Variants in GEMIN6 observed in about 807,000 individuals in gnomAD.
GEMIN6 encodes gem nuclear organelle associated protein 6, also known as gem-associated protein 6.
GEMIN6 carries 13 observed loss-of-function variants against 14.1 expected under a neutral mutation model. The observed-to-expected ratio is 0.92, with a 90% confidence interval of 0.60 to 1.46. The LOEUF is 1.46. GEMIN6 is among the 40% of genes most tolerant of loss of function. The probability of loss-of-function intolerance (pLI) is 0.00; values close to 1 mark genes in which losing one functional copy is unlikely to be tolerated. For missense variants in GEMIN6, 271 were observed against 202.4 expected, an observed-to-expected ratio of 1.34 and a Z score of -2.06; for synonymous variants, 87 against 70.0, an observed-to-expected ratio of 1.24 and a Z score of -1.21.
chr2:38,779,355 CGAG>C, intron 2 of GEMIN6: 1 of 422,138 alleles, frequency 2.4e-6, no homozygotes, highest in South Asian at 2.0e-5. Context: ...CTTAGCCTCC[CGAG>C]TAGCTGGGAC....
In GEMIN6 at chr2:38,781,840, T is replaced by C. The variant is rs1669098404; in HGVS notation, c.452T>C (p.Ile151Thr). 6.2e-7 allele frequency: 1 copy of C among 1,613,942 alleles called. No homozygotes were observed. The highest frequency in any genetic ancestry group is 8.5e-7 in the Non-Finnish European group (1 of 1,179,914). ...AATTGCAGCAGCTCTAATGAGATTA[T>C]TCTGTCGCGTGTTCAGGATCTTATT... ...PENCSSSNEI[I>T]LSRVQDLIEG... Residue 151 changes from isoleucine (I) to threonine (T), a missense_variant, in exon 3 of 3, where the codon ATT (isoleucine) becomes ACT (threonine). Transcript: ENST00000281950.
intron 2 of GEMIN6, among the ~76,000 whole-genome samples, chr2:38,779,664 ATTTTTTTT>A (rs1166903482): frequency 1.1e-3 from 22 of 20,764 alleles, no homozygotes; most frequent in African/African-American, 3.6e-3. Flanking sequence ...ATATATATAT[ATTTTTTTT>A]TTTTTTTTTT....
chr2:38,780,668 G>T (rs376392019), intron 2 of GEMIN6, among the ~76,000 whole-genome samples: 189 of 151,526 alleles, frequency 1.2e-3, no homozygotes, highest in African/African-American at 4.3e-3. Context: ...TTGCTCTGTT[G>T]CCCAGGCTGG....
intron 2 of GEMIN6, among the ~76,000 whole-genome samples, chr2:38,779,872 G>A (rs867283581): frequency 8.1e-5 from 12 of 148,082 alleles, no homozygotes; most frequent in Non-Finnish European, 1.8e-4. Context: ...TAGTAGAGAC[G>A]GGGTTTCGCT....
chr2:38,779,140 C>T (rs199945237), intron 2 of GEMIN6, 22 bp downstream of exon 2: 3 of 1,600,346 alleles, frequency 1.9e-6, no homozygotes, highest in Non-Finnish European at 1.7e-6. Context: ...TCCTACTTGC[C>T]TGAAATCTTG....
chr2:38,779,537 G>A (rs1669027362), intron 2 of GEMIN6: 1 of 178,790 alleles, frequency 5.6e-6, no homozygotes, highest in Non-Finnish European at 1.2e-5. Flanking sequence ...GCCTACATAT[G>A]AGAACTTAAC....
chr2:38,779,827 A>G (rs955876972), intron 2 of GEMIN6, among the ~76,000 whole-genome samples: 9 of 148,078 alleles, frequency 6.1e-5, no homozygotes, highest in African/African-American at 2.2e-4. Flanking sequence ...GGTTACACAC[A>G]TGTGCCAACA....
intron 2 of GEMIN6, among the ~76,000 whole-genome samples, chr2:38,781,076 C>T (rs181465446): frequency 7.0e-4 from 103 of 148,088 alleles, no homozygotes; most frequent in African/African-American, 2.4e-3. Flanking sequence ...TCAAGCAATT[C>T]TCTGCCTCTG....
At chr2:38,779,662 ATATTTTT>A (rs1175217544) in intron 2 of GEMIN6, among the ~76,000 whole-genome samples, 3 of 26,752 alleles carry the variant, frequency 1.1e-4, no homozygotes, top group African/African-American at 3.9e-4. Flanking sequence ...ATATATATAT[ATATTTTT>A]TTTTTTTTTT....
At chr2:38,779,772 C>T (rs1372355730) in intron 2 of GEMIN6, among the ~76,000 whole-genome samples, 1 of 141,118 alleles carries the variant, frequency 7.1e-6, no homozygotes, top group Non-Finnish European at 1.5e-5. Flanking sequence ...ACTTCTGCCT[C>T]CCAGGTTCAA....
chr2:38,780,662 T>A (rs1445910799), intron 2 of GEMIN6, among the ~76,000 whole-genome samples: 1 of 151,246 alleles, frequency 6.6e-6, no homozygotes, highest in East Asian at 2.0e-4. Context: ...GGAGCCTTGC[T>A]CTGTTGCCCA....
intron 2 of GEMIN6, among the ~76,000 whole-genome samples, chr2:38,781,032 G>T (rs1231167164): frequency 1.4e-5 from 2 of 140,650 alleles, no homozygotes; most frequent in African/African-American, 5.3e-5. Flanking sequence ...GCAGTGGCAT[G>T]ATCTCGGCTC....
intron 2 of GEMIN6, among the ~76,000 whole-genome samples, chr2:38,780,259 G>T (rs1669049598): frequency 6.6e-6 from 1 of 151,110 alleles, no homozygotes; most frequent in Non-Finnish European, 1.5e-5. Context: ...GGCAGAGCTT[G>T]CCGTGAGCTG....
Position 38,783,925 on chromosome 2 carries a change from C to T in GEMIN6, c.*2033C>T, listed in dbSNP as rs1442591160. The T allele has an allele frequency of 1.3e-5, 2 of 152,190 alleles. No individual in the cohort carries two copies. Among genetic ancestry groups the T allele is most frequent in the Non-Finnish European group, 2.9e-5 (2 of 68,052 alleles). The allele number at this position is 152,190 out of a possible 1,614,324, so 9.4% of individuals were successfully genotyped here. A position where few individuals can be genotyped will look rare whatever the true frequency, so the allele number is the denominator to read the frequency against. On this transcript the variant is annotated 3_prime_UTR_variant, in exon 3 of 3. Coordinates refer to ENST00000281950, the MANE Select transcript of GEMIN6 (RefSeq NM_024775.10). ...TTTTCAAAACAGATTGCTGGACCCT[C>T]CTCCCAACAGATTCTGATTCAGTAG...
rs767200679 is a variant in GEMIN6, at chr2:38,784,337, T to G, written c.*2445T>G. On this transcript the variant is annotated 3_prime_UTR_variant, in exon 3 of 3. Transcript: ENST00000281950. ...GGGCCGATCACTTGAGGCCAGGATT[T>G]GTGACCAACCTGGGCAACATGGTGA... 2 of 152,018 alleles carry G rather than the reference T, an allele frequency of 1.3e-5. No homozygotes were observed. The highest frequency in any genetic ancestry group is 2.9e-5 in the Non-Finnish European group (2 of 68,072). 9.4% of individuals were successfully genotyped at this position (152,018 alleles called of 1,614,324 possible). A position where few individuals can be genotyped will look rare whatever the true frequency, so the allele number is the denominator to read the frequency against.
intron 2 of GEMIN6, among the ~76,000 whole-genome samples, chr2:38,779,756 A>G (rs1669039717): frequency 8.0e-6 from 1 of 124,800 alleles, no homozygotes; most frequent in East Asian, 2.5e-4. Context: ...ATCTTGGCTC[A>G]CTGCAACTTC....
Position 38,782,607 on chromosome 2 carries a change from A to T in GEMIN6, c.*715A>T, listed in dbSNP as rs539343557. The T allele has an allele frequency of 1.3e-5, 2 of 151,714 alleles. No homozygotes were observed. The highest frequency in any genetic ancestry group is 1.3e-4 in the Admixed American group (2 of 15,216). 9.4% of individuals were successfully genotyped at this position (151,714 alleles called of 1,614,324 possible). A position where few individuals can be genotyped will look rare whatever the true frequency, so the allele number is the denominator to read the frequency against. On this transcript the variant is annotated 3_prime_UTR_variant, in exon 3 of 3. Transcript: ENST00000281950. ...TCAGGAGATCGAGACCATCCTGGCT[A>T]ACACGGTGAAACCCCTTCTCTACTA...
At position 38,781,577 on chromosome 2, in the gene GEMIN6, T is replaced by C; in HGVS notation, c.189T>C (p.His63=). ...GSMSVTGIMG[H]AVQTVETMNE... ...TGTCTGTGACCGGAATTATGGGACA[T>C]GCTGTGCAGACTGTTGAAACTATGA... Residue 63 remains histidine (H), a synonymous_variant, in exon 3 of 3, where the codon CAT becomes CAC. Transcript: ENST00000281950. The C allele has an allele frequency of 6.2e-7, 1 of 1,614,126 alleles. No individual in the cohort carries two copies. Among genetic ancestry groups the C allele is most frequent in the South Asian group, 1.1e-5 (1 of 91,060 alleles).
Position 38,781,600 on chromosome 2 carries a change from T to A in GEMIN6, c.212T>A (p.Met71Lys). 6.2e-7 allele frequency: 1 copy of A among 1,614,180 alleles called. No individual in the cohort carries two copies. The highest frequency in any genetic ancestry group is 8.5e-7 in the Non-Finnish European group (1 of 1,180,028). The stretch of plus-strand genomic sequence containing the variant: ...CATGCTGTGCAGACTGTTGAAACTA[T>A]GAATGAAGGGGACCATAGAGTGAGG... The part of the protein sequence containing the change: ...MGHAVQTVET[M>K]NEGDHRVREK... Residue 71 changes from methionine (M) to lysine (K), a missense_variant, in exon 3 of 3, where the codon ATG becomes AAG. Physicochemically the swap from Met to Lys is moderately conservative, Grantham distance 95. Coordinates refer to ENST00000281950, the MANE Select transcript of GEMIN6 (RefSeq NM_024775.10).
Sources: gnomAD v4.1 joint callset for allele counts (sites outside exome capture counted in the v4.1 genomes callset) on GRCh38, gnomAD v4.1.1 for gene constraint, MANE v1.5 for transcripts, NCBI Gene and HGNC (gene_info 2026-07-23, HGNC 2026-07-21) for gene names.